The following BMP5 variants were observed in gnomAD, a reference collection of about 807,000 sequenced individuals.
BMP5 encodes bone morphogenetic protein 5.
A neutral mutation model predicts 46.6 loss-of-function variants in BMP5; 23 were observed. The observed-to-expected ratio is 0.49, with a 90% CI of 0.35 to 0.70. The LOEUF is 0.70. Ranked by LOEUF, BMP5 falls within the 30% of genes least tolerant of loss-of-function variation. The pLI is 0.00. For missense variants in BMP5, 545 were observed against 565.6 expected (o/e 0.96, Z 0.37); for synonymous variants, 204 against 191.9 (o/e 1.06, Z -0.52).
chr6:55,811,639 C>G (rs1212730230), intron 2 of BMP5, among the ~76,000 whole-genome samples: 1 of 150,976 alleles, frequency 6.6e-6, no homozygotes, highest in Non-Finnish European at 1.5e-5. Context: ...CACCTCTGCC[C>G]TCTCTCTCTC....
chr6:55,783,046 G>C (rs1775363760), intron 3 of BMP5, among the ~76,000 whole-genome samples: 1 of 152,054 alleles, frequency 6.6e-6, no homozygotes, highest in Non-Finnish European at 1.5e-5. Flanking sequence ...TAGCCTGTCA[G>C]TGGCATACGT....
intron 2 of BMP5, among the ~76,000 whole-genome samples, chr6:55,814,438 T>G (rs1776208209): frequency 6.6e-6 from 1 of 152,194 alleles, no homozygotes; most frequent in Non-Finnish European, 1.5e-5. Context: ...AAATTATTTT[T>G]CTTGATCTGA....
intron 4 of BMP5, among the ~76,000 whole-genome samples, chr6:55,762,917 GA>G (rs1236276412): frequency 3.9e-5 from 6 of 152,182 alleles, no homozygotes; most frequent in South Asian, 2.1e-4. Flanking sequence ...ATACGTAAAT[GA>G]ATGGGTGTGG....
intron 1 of BMP5, among the ~76,000 whole-genome samples, chr6:55,847,564 C>CA (rs1294951255): frequency 4.0e-5 from 6 of 151,052 alleles, no homozygotes; most frequent in Non-Finnish European, 5.9e-5. Context: ...ATTCCTGGGC[C>CA]AAAAAAAGTG....
chr6:55,755,661 G>A lies in BMP5; in HGVS notation c.1237C>T (p.His413Tyr), dbSNP rs935518024. The A allele has an allele frequency of 6.2e-7, 1 of 1,612,108 alleles. No individual in the cohort carries two copies. The highest frequency in any genetic ancestry group is 1.3e-5 in the African/African-American group (1 of 74,866). Residue 413 changes from histidine (H) to tyrosine (Y), a missense_variant, in exon 7 of 7, where the codon CAC (histidine) becomes TAC (tyrosine). Physicochemically the swap from His to Tyr is moderately conservative, Grantham distance 83. Coordinates refer to ENST00000370830, the MANE Select transcript of BMP5 (RefSeq NM_021073.4). ...GGAGCACAACAAGGCTTTGGTACGT[G>A]GTCAGGAAACATCAGATGAACCTGG... ...QTLVHLMFPD[H>Y]VPKPCCAPTK...
At chr6:55,845,141 T>C (rs1473260639) in intron 1 of BMP5, among the ~76,000 whole-genome samples, 2 of 152,080 alleles carry the variant, frequency 1.3e-5, no homozygotes, top group Non-Finnish European at 2.9e-5. Context: ...TATCTTTACA[T>C]GGCACATGTG....
intron 1 of BMP5, among the ~76,000 whole-genome samples, chr6:55,872,424 A>G (rs1443160868): frequency 6.6e-6 from 1 of 151,702 alleles, no homozygotes; most frequent in East Asian, 1.9e-4. Context: ...CAAATGAATA[A>G]TTGTATTTCT....
rs529529412 is a variant in BMP5, at chr6:55,857,004, G to A, written c.490+17372C>T. On this transcript the variant is annotated intron_variant, in intron 1 of 6. Coordinates refer to ENST00000370830, the MANE Select transcript of BMP5 (RefSeq NM_021073.4). Reference sequence around the variant, plus strand: ...TTTATTACTTTCCATATACAGAGTTGACACTGCCGAAGCTTTGTAAAGTTT... The same window carrying A: ...TTTATTACTTTCCATATACAGAGTTAACACTGCCGAAGCTTTGTAAAGTTT... Among the ~76,000 whole-genome samples, 21 of 152,176 alleles carry A rather than the reference G, an allele frequency of 1.4e-4. No homozygotes were observed. In the East Asian group the frequency reaches 3.9e-3, roughly 28 times the overall value.
Position 55,874,527 on chromosome 6 carries a change from T to C in BMP5, c.339A>G (p.Arg113=). 1 of 1,613,498 alleles carries C rather than the reference T, an allele frequency of 6.2e-7. No homozygotes were observed. The highest frequency in any genetic ancestry group is 8.5e-7 in the Non-Finnish European group (1 of 1,179,666). ...ASLAEETRGA[R]KGYPASPNGY... ...CATTGGGAGAGGCTGGGTATCCCTTTCTTGCCCCTCTGGTCTCTTCTGCCA... is the reference window on the plus strand; with the variant it reads ...CATTGGGAGAGGCTGGGTATCCCTTCCTTGCCCCTCTGGTCTCTTCTGCCA... The change falls in exon 1 of 7, where the codon AGA becomes AGG. Residue 113 remains arginine (R), a synonymous_variant. Transcript: ENST00000370830.
rs1425651070 is a variant in BMP5, at chr6:55,819,665, A to T, written c.673T>A (p.Tyr225Asn). The T allele has an allele frequency of 6.2e-7, 1 of 1,610,164 alleles. No individual in the cohort carries two copies. Among genetic ancestry groups the T allele is most frequent in the Non-Finnish European group, 8.5e-7 (1 of 1,176,718 alleles). ...ATAAAAAGATTATACCTATTTGTGTATTCCTTGATGATTTGATATATGCTA... is the reference window on the plus strand; with the variant it reads ...ATAAAAAGATTATACCTATTTGTGTTTTCCTTGATGATTTGATATATGCTA... ...KISIYQIIKE[Y>N]TNRDADLFLL... is the part of the protein sequence containing the mutation. The change falls in exon 2 of 7, where the codon TAC becomes AAC. Residue 225 changes from tyrosine (Y) to asparagine (N), a missense_variant. Transcript: ENST00000370830.
At chr6:55,859,125 A>G (rs2127552843) in intron 1 of BMP5, among the ~76,000 whole-genome samples, 1 of 152,330 alleles carries the variant, frequency 6.6e-6, no homozygotes, top group Admixed American at 6.5e-5. Flanking sequence ...CACAACTTAA[A>G]GTAAAATTTT....
intron 3 of BMP5, among the ~76,000 whole-genome samples, chr6:55,791,076 C>T (rs546315809): frequency 6.9e-4 from 105 of 152,272 alleles, no homozygotes; most frequent in Middle Eastern, 3.4e-3. Context: ...TGATTTTCAA[C>T]TCCTTTTGCT....
chr6:55,773,911 G>A (rs1038793772), intron 4 of BMP5, 138 bp downstream of exon 4: 1 of 941,088 alleles, frequency 1.1e-6, no homozygotes, highest in East Asian at 2.5e-5. Flanking sequence ...AACATTCTGG[G>A]ATGCTAGAAA....
At chr6:55,827,747 A>G (rs1478186113) in intron 1 of BMP5, among the ~76,000 whole-genome samples, 1 of 151,850 alleles carries the variant, frequency 6.6e-6, no homozygotes, top group African/African-American at 2.4e-5. Flanking sequence ...ATTAGCTTAG[A>G]ATACCCACAA....
intron 5 of BMP5, 65 bp from the exon 6 acceptor site, chr6:55,759,180 A>AAAAAAAAAAAAAC: frequency 2.5e-6 from 2 of 789,868 alleles, no homozygotes; most frequent in East Asian, 6.7e-5. Context: ...AAAAAAAAAA[A>AAAAAAAAAAAAAC]AAACAACAAG....
chr6:55,853,094 C>G (rs1050199425), intron 1 of BMP5, among the ~76,000 whole-genome samples: 1 of 150,928 alleles, frequency 6.6e-6, no homozygotes, highest in African/African-American at 2.4e-5. Context: ...CGCACCACTG[C>G]AACTCCAGCC....
intron 1 of BMP5, among the ~76,000 whole-genome samples, chr6:55,830,894 G>C (rs1582100879): frequency 1.3e-5 from 2 of 152,098 alleles, no homozygotes; most frequent in Admixed American, 1.3e-4. Flanking sequence ...TTACAAAGCA[G>C]GTAGATTCTT....
chr6:55,814,621 A>G (rs1436682051), intron 2 of BMP5, among the ~76,000 whole-genome samples: 3 of 152,198 alleles, frequency 2.0e-5, no homozygotes, highest in African/African-American at 7.2e-5. Context: ...TATAAGACAT[A>G]TCGCTATTTC....
At position 55,755,650 on chromosome 6, in the gene BMP5, C is replaced by A. The variant is rs1194137682; in HGVS notation, c.1248G>T (p.Lys416Asn). ...TTAATTTGGTTGGAGCACAACAAGG[C>A]TTTGGTACGTGGTCAGGAAACATCA... ...VHLMFPDHVPKPCCAPTKLNA... is the reference protein window; with the variant it reads ...VHLMFPDHVPNPCCAPTKLNA... Residue 416 changes from lysine to asparagine, a missense_variant, in exon 7 of 7, where the codon AAG becomes AAT. Physicochemically the swap from Lys to Asn is moderately conservative, Grantham distance 94. Transcript: ENST00000370830. 1 of 1,612,238 alleles carries A rather than the reference C, an allele frequency of 6.2e-7. No individual in the cohort carries two copies. Among genetic ancestry groups the A allele is most frequent in the African/African-American group, 1.3e-5 (1 of 74,794 alleles).
Sources: allele counts gnomAD v4.1 joint callset (sites outside exome capture counted in the v4.1 genomes callset), GRCh38; gene constraint gnomAD v4.1.1; transcripts MANE v1.5; gene names NCBI Gene and HGNC (gene_info 2026-07-23, HGNC 2026-07-21).